The following THSD7A variants were observed in gnomAD, a reference collection of about 807,000 sequenced individuals.
THSD7A encodes thrombospondin type-1 domain-containing protein 7A.
In THSD7A, 96 loss-of-function variants were observed where a neutral mutation model predicts 231.3. That is an observed-to-expected ratio of 0.41 (90% CI 0.35 to 0.49). The LOEUF is 0.49. Ranked by LOEUF, THSD7A falls within the 20% of genes least tolerant of loss-of-function variation. THSD7A has a pLI of 0.05. For synonymous variants in THSD7A, 940 were observed against 743.3 expected, an observed-to-expected ratio of 1.26 and a Z score of -4.30; for missense variants, 2,290 against 2,070.2, an observed-to-expected ratio of 1.11 and a Z score of -2.06.
intron 4 of THSD7A, among the ~76,000 whole-genome samples, chr7:11,574,716 G>C (rs1000413606): frequency 6.6e-6 from 1 of 151,948 alleles, no homozygotes; most frequent in Non-Finnish European, 1.5e-5. Flanking sequence ...GATTACAGGC[G>C]TGAGCCACCG....
intron 23 of THSD7A, among the ~76,000 whole-genome samples, chr7:11,391,681 T>A (rs1782987909): frequency 6.6e-6 from 1 of 152,208 alleles, no homozygotes; most frequent in Non-Finnish European, 1.5e-5. Context: ...CTCCTGCAGC[T>A]AGCTAGGTGT....
At chr7:11,643,765 T>A (rs1407872825) in intron 1 of THSD7A, among the ~76,000 whole-genome samples, 2 of 152,010 alleles carry the variant, frequency 1.3e-5, no homozygotes, top group Non-Finnish European at 2.9e-5. Context: ...GATGTTTAGG[T>A]CTTTCCTGAT....
chr7:11,412,659 T>C lies in THSD7A; in HGVS notation c.3679A>G (p.Thr1227Ala). 6.2e-7 allele frequency: 1 copy of C among 1,613,738 alleles called. No homozygotes were observed. Among genetic ancestry groups the C allele is most frequent in the Non-Finnish European group, 8.5e-7 (1 of 1,179,746 alleles). The change falls in exon 18 of 28, where the codon ACA (threonine) becomes GCA (alanine). Residue 1227 changes from threonine to alanine, a missense_variant. Transcript: ENST00000423059. ...KNCYHYDYNV[T>A]DWSTCQLSEK... ...GATCAGATGATGATCCATGTACCTG[T>C]TACATTATAATCATAGTGGTAGCAG...
intron 1 of THSD7A, among the ~76,000 whole-genome samples, chr7:11,802,601 A>T (rs1386048877): frequency 3.3e-5 from 5 of 152,140 alleles, no homozygotes; most frequent in Admixed American, 6.6e-5. Context: ...AAAATAAGTT[A>T]TATATTCTGG....
intron 23 of THSD7A, among the ~76,000 whole-genome samples, chr7:11,396,996 T>C (rs1435449410): frequency 6.6e-6 from 1 of 152,188 alleles, no homozygotes; most frequent in East Asian, 1.9e-4. Flanking sequence ...TCAATAAACG[T>C]AATCCATCAC....
intron 1 of THSD7A, among the ~76,000 whole-genome samples, chr7:11,668,487 GAA>G (rs1329983575): frequency 2.6e-5 from 1 of 38,774 alleles, no homozygotes; most frequent in Non-Finnish European, 5.8e-5. Context: ...AAGACAGAAA[GAA>G]AGAGAGAGAG....
At chr7:11,667,949 A>G (rs1393570327) in intron 1 of THSD7A, among the ~76,000 whole-genome samples, 4 of 152,166 alleles carry the variant, frequency 2.6e-5, no homozygotes, top group Non-Finnish European at 4.4e-5. Context: ...CTCTTTTAGA[A>G]TAAGAAGAGG....
At chr7:11,657,271 T>G (rs1010391125) in intron 1 of THSD7A, among the ~76,000 whole-genome samples, 3 of 151,736 alleles carry the variant, frequency 2.0e-5, no homozygotes, top group African/African-American at 7.3e-5. Context: ...TCATGAGATT[T>G]GAGTTGGATA....
At chr7:11,432,980 A>C (rs1031229326) in intron 13 of THSD7A, among the ~76,000 whole-genome samples, 1 of 152,032 alleles carries the variant, frequency 6.6e-6, no homozygotes, top group African/African-American at 2.4e-5. Flanking sequence ...AGTCCCAGAT[A>C]ATCTTCTGGA....
chr7:11,729,958 A>G (rs1280627441), intron 1 of THSD7A, among the ~76,000 whole-genome samples: 1 of 151,748 alleles, frequency 6.6e-6, no homozygotes, highest in Non-Finnish European at 1.5e-5. Context: ...CAAATAACTG[A>G]TTGACCTTAG....
At chr7:11,672,927 TA>T (rs1224869229) in intron 1 of THSD7A, among the ~76,000 whole-genome samples, 1 of 152,214 alleles carries the variant, frequency 6.6e-6, no homozygotes, top group African/African-American at 2.4e-5. Flanking sequence ...GAAGTAAAAT[TA>T]TGATTAAATT....
At chr7:11,623,122 C>G (rs1781372428) in intron 2 of THSD7A, among the ~76,000 whole-genome samples, 1 of 152,100 alleles carries the variant, frequency 6.6e-6, no homozygotes, top group South Asian at 2.1e-4. Context: ...AGCTATCATC[C>G]AGGTCAGTGC....
chr7:11,507,464 G>T (rs1562667296), intron 6 of THSD7A, among the ~76,000 whole-genome samples: 1 of 152,058 alleles, frequency 6.6e-6, no homozygotes, highest in Non-Finnish European at 1.5e-5. Flanking sequence ...TCATGATTCT[G>T]CTTTATTCTT....
chr7:11,435,310 G>A (rs1312676643), intron 13 of THSD7A, among the ~76,000 whole-genome samples: 1 of 152,078 alleles, frequency 6.6e-6, no homozygotes, highest in African/African-American at 2.4e-5. Context: ...AATTTCACTA[G>A]TGATAGAACT....
At chr7:11,761,715 G>T (rs1167431206) in intron 1 of THSD7A, among the ~76,000 whole-genome samples, 1 of 151,970 alleles carries the variant, frequency 6.6e-6, no homozygotes, top group Non-Finnish European at 1.5e-5. Context: ...CTTTTAAACT[G>T]CTATTTTGAT....
chr7:11,418,346 C>T (rs1784030722), intron 16 of THSD7A, among the ~76,000 whole-genome samples: 1 of 152,144 alleles, frequency 6.6e-6, no homozygotes, highest in Non-Finnish European at 1.5e-5. Context: ...TCATGAAGGG[C>T]TCCTTATTCA....
chr7:11,494,491 A>G (rs1460101632), intron 6 of THSD7A, among the ~76,000 whole-genome samples: 2 of 152,044 alleles, frequency 1.3e-5, no homozygotes, highest in Admixed American at 6.6e-5. Flanking sequence ...TTCTTTTACA[A>G]TGTTGCTTTA....
Position 11,481,872 on chromosome 7 carries a change from A to T in THSD7A, c.1933T>A (p.Ser645Thr), listed in dbSNP as rs1268652027. 3 of 1,613,644 alleles carry T rather than the reference A, an allele frequency of 1.9e-6. No homozygotes were observed. Among genetic ancestry groups the T allele is most frequent in the Non-Finnish European group, 2.5e-6 (3 of 1,179,734 alleles). The change falls in exon 7 of 28, where the codon TCC (serine) becomes ACC (threonine). Residue 645 changes from serine to threonine, a missense_variant. Transcript: ENST00000423059. ...CVLSTWSTWS[S>T]CSHTCSGKTT... is the part of the protein sequence containing the mutation. Reference sequence around the variant, plus strand: ...TTCCCTGAGCAGGTGTGTGAGCAGGAGGACCACGTAGACCATGTGCTGAGC... The same window carrying T: ...TTCCCTGAGCAGGTGTGTGAGCAGGTGGACCACGTAGACCATGTGCTGAGC...
At chr7:11,701,727 C>T (rs1780607195) in intron 1 of THSD7A, among the ~76,000 whole-genome samples, 1 of 151,072 alleles carries the variant, frequency 6.6e-6, no homozygotes, top group Admixed American at 6.6e-5. Flanking sequence ...GATGTTGATC[C>T]TTGAGCCACA....
Sources: gnomAD v4.1 joint callset for allele counts (sites outside exome capture counted in the v4.1 genomes callset) on GRCh38, gnomAD v4.1.1 for gene constraint, MANE v1.5 for transcripts, NCBI Gene and HGNC (gene_info 2026-07-23, HGNC 2026-07-21) for gene names.